The following VMA12 variants were observed in gnomAD, a reference collection of about 807,000 sequenced individuals.
VMA12 encodes the protein vacuolar ATPase assembly factor VMA12.
At chr17:28,360,781 C>CA in the VMA12 span, 2 of 1,614,086 alleles carry the variant, frequency 1.2e-6, no homozygotes, top group East Asian at 2.2e-5. Flanking sequence ...ATTTCATTGT[C>CA]ACGGTGGTTG....
At chr17:28,358,858 C>G in the VMA12 span, 2 of 1,445,146 alleles carry the variant, frequency 1.4e-6, no homozygotes, top group Non-Finnish European at 9.6e-7. Flanking sequence ...CCCTCTTGAT[C>G]TTAACCCTTC....
At chr17:28,359,875 C>T in the VMA12 span, among the ~76,000 whole-genome samples, 1 of 152,124 alleles carries the variant, frequency 6.6e-6, no homozygotes, top group Non-Finnish European at 1.5e-5. Context: ...TGCACCATTG[C>T]ACTCCAGCCT....
chr17:28,362,840 C>T, the VMA12 span: 1 of 152,132 alleles, frequency 6.6e-6, no homozygotes, highest in Non-Finnish European at 1.5e-5. Context: ...GAGGGGAGAA[C>T]CAAATGCCCT....
At chr17:28,362,952 G>T in the VMA12 span, 1 of 152,212 alleles carries the variant, frequency 6.6e-6, no homozygotes, top group African/African-American at 2.4e-5. Context: ...TCCAGGGACT[G>T]CTTGGCAGGA....
chr17:28,362,682 C>G, the VMA12 span: 1 of 152,212 alleles, frequency 6.6e-6, no homozygotes, highest in Non-Finnish European at 1.5e-5. Flanking sequence ...CCTGTAGTCC[C>G]AGCTACTCAG....
At chr17:28,363,105 G>C in the VMA12 span, 2 of 152,212 alleles carry the variant, frequency 1.3e-5, no homozygotes, top group African/African-American at 2.4e-5. Context: ...CCCAAACAGA[G>C]AGCAAATAAG....
At chr17:28,359,141 GT>G in the VMA12 span, 1 of 949,914 alleles carries the variant, frequency 1.1e-6, no homozygotes. Context: ...CCCATCAGCT[GT>G]TTGGAAAATT....
At chr17:28,358,319 C>T in the VMA12 span, 2 of 439,400 alleles carry the variant, frequency 4.6e-6, no homozygotes, top group South Asian at 1.6e-5. Context: ...TATAGGATGG[C>T]AAAAGCTGTG....
At chr17:28,357,850 C>T in the VMA12 span, 2 of 1,614,090 alleles carry the variant, frequency 1.2e-6, no homozygotes, top group Non-Finnish European at 1.7e-6. Context: ...TCCGTCTCAT[C>T]CGGGATCTGC....
the VMA12 span, chr17:28,358,845 C>T: frequency 8.3e-7 from 1 of 1,200,950 alleles, no homozygotes; most frequent in Non-Finnish European, 1.2e-6. Context: ...AGAAGGGCTA[C>T]ACCCCTCTTG....
the VMA12 span, chr17:28,363,478 G>A: frequency 1.3e-5 from 2 of 152,042 alleles, no homozygotes. Context: ...CCTCGTCCCC[G>A]TTCGTTTGCA....
At chr17:28,359,693 T>C in the VMA12 span, 1 of 202,568 alleles carries the variant, frequency 4.9e-6, no homozygotes, top group East Asian at 1.1e-4. Flanking sequence ...TCACTTGAGG[T>C]CGGGAGTTCG....
the VMA12 span, chr17:28,359,556 C>G: frequency 1.8e-5 from 11 of 620,640 alleles, no homozygotes; most frequent in South Asian, 1.4e-4. Flanking sequence ...AACACAGTTC[C>G]CATCTCATTC....
At chr17:28,360,417 A>C in the VMA12 span, 1 of 995,896 alleles carries the variant, frequency 1.0e-6, no homozygotes, top group East Asian at 2.4e-5. Flanking sequence ...AAAAGAATCC[A>C]TGGGGAGGGC....
chr17:28,360,991 A>G, the VMA12 span: 2 of 894,510 alleles, frequency 2.2e-6, no homozygotes, highest in Non-Finnish European at 3.5e-6. Flanking sequence ...GCTTTCCAGC[A>G]GTCACGGGAG....
At chr17:28,359,068 C>G in the VMA12 span, 19 of 1,343,794 alleles carry the variant, frequency 1.4e-5, no homozygotes, top group South Asian at 2.7e-5. Flanking sequence ...TATAAATCAA[C>G]TTTTAGGCTT....
chr17:28,362,863 T>A, the VMA12 span: 3 of 152,154 alleles, frequency 2.0e-5, no homozygotes, highest in Non-Finnish European at 4.4e-5. Flanking sequence ...CCTCCAGTTC[T>A]CAGCATATAG....
the VMA12 span, chr17:28,360,577 G>A: frequency 6.2e-7 from 1 of 1,614,204 alleles, no homozygotes; most frequent in South Asian, 1.1e-5. Context: ...GCAAGGTGAG[G>A]TACTAGGAGA....
chr17:28,358,177 T>G, the VMA12 span: 1 of 458,884 alleles, frequency 2.2e-6, no homozygotes, highest in Non-Finnish European at 4.0e-6. Context: ...ATATCACAGG[T>G]TTTGTCTCTT....
Sources: gnomAD v4.1 joint callset for allele counts (sites outside exome capture counted in the v4.1 genomes callset) on GRCh38, gnomAD v4.1.1 for gene constraint, MANE v1.5 for transcripts, NCBI Gene and HGNC (gene_info 2026-07-23, HGNC 2026-07-21) for gene names.